The following NBEAL1 variants were observed in gnomAD, a reference collection of about 807,000 sequenced individuals.
The protein encoded by NBEAL1 is neurobeachin-like protein 1.
NBEAL1 carries 273 observed loss-of-function variants against 351.3 expected under a neutral mutation model. That is an observed-to-expected ratio of 0.78 (90% CI 0.70 to 0.86). NBEAL1 has a LOEUF of 0.86. Among genes scored for constraint, NBEAL1 ranks in the 40% least tolerant of loss-of-function variants. The pLI is 0.00. For missense variants in NBEAL1, 2,961 were observed against 3,201.3 expected (o/e 0.92, Z 1.81); for synonymous variants, 1,050 against 1,086.4 (o/e 0.97, Z 0.66).
At position 203,221,067 on chromosome 2, in the gene NBEAL1, G is replaced by T. The variant is rs891541330; in HGVS notation, c.*3713G>T. Among the ~76,000 whole-genome samples, 1 of 151,972 alleles carries T rather than the reference G, an allele frequency of 6.6e-6. No individual in the cohort carries two copies. The highest frequency in any genetic ancestry group is 2.4e-5 in the African/African-American group (1 of 41,376). On this transcript the variant is annotated 3_prime_UTR_variant, in exon 56 of 56. Coordinates refer to ENST00000683969, the MANE Select transcript of NBEAL1 (RefSeq NM_001378026.1). ...TTATGCTTCTGAAAAGAATAAGTGGGCTCTCAGAATTAGAATTCAGATTTG... is the reference window on the plus strand; with the variant it reads ...TTATGCTTCTGAAAAGAATAAGTGGTCTCTCAGAATTAGAATTCAGATTTG...
intron 44 of NBEAL1, among the ~76,000 whole-genome samples, chr2:203,186,778 A>G (rs2064908803): frequency 6.6e-6 from 1 of 152,172 alleles, no homozygotes; most frequent in Non-Finnish European, 1.5e-5. Flanking sequence ...TTAAAACTTT[A>G]TAGGTTTCTT....
At chr2:203,193,375 G>C (rs1462422481) in intron 46 of NBEAL1, among the ~76,000 whole-genome samples, 7 of 152,104 alleles carry the variant, frequency 4.6e-5, no homozygotes, top group African/African-American at 1.7e-4. Flanking sequence ...TAACGTGTAA[G>C]ATACTAGTCT....
chr2:203,023,837 A>C (rs2105998544), intron 2 of NBEAL1, among the ~76,000 whole-genome samples: 1 of 152,344 alleles, frequency 6.6e-6, no homozygotes, highest in Admixed American at 6.5e-5. Context: ...TATTATGAGA[A>C]TAAGAAGAGA....
intron 31 of NBEAL1, among the ~76,000 whole-genome samples, chr2:203,140,433 G>C (rs1332454513): frequency 4.0e-5 from 6 of 151,856 alleles, no homozygotes; most frequent in Non-Finnish European, 8.8e-5. Context: ...ATCTTTTTCA[G>C]ATGTCATGTT....
At chr2:203,144,956 A>T in intron 32 of NBEAL1, 51 bp downstream of exon 32, 1 of 1,512,310 alleles carries the variant, frequency 6.6e-7, no homozygotes. Context: ...TACCATTTTT[A>T]TAGAGGTGAA....
At chr2:203,140,071 C>A (rs2063328029) in intron 31 of NBEAL1, among the ~76,000 whole-genome samples, 1 of 151,648 alleles carries the variant, frequency 6.6e-6, no homozygotes. Flanking sequence ...GAGGCCGAGG[C>A]GGGCGGATCA....
At chr2:203,215,570 C>T (rs1027164658) in intron 55 of NBEAL1, among the ~76,000 whole-genome samples, 1 of 152,010 alleles carries the variant, frequency 6.6e-6, no homozygotes, top group African/African-American at 2.4e-5. Context: ...TGCCTGTAGT[C>T]CCAGCTACTT....
At chr2:203,019,006 T>C (rs1489384670) in intron 2 of NBEAL1, among the ~76,000 whole-genome samples, 2 of 152,236 alleles carry the variant, frequency 1.3e-5, no homozygotes, top group Non-Finnish European at 2.9e-5. Context: ...AAATATCTGC[T>C]AAACATTTTC....
chr2:203,168,391 C>A (rs1030755323), intron 38 of NBEAL1, among the ~76,000 whole-genome samples: 1 of 151,982 alleles, frequency 6.6e-6, no homozygotes, highest in African/African-American at 2.4e-5. Flanking sequence ...TTCGAGACCA[C>A]CCTGGCCAAC....
chr2:203,071,115 T>C (rs1371699000), intron 7 of NBEAL1, among the ~76,000 whole-genome samples: 1 of 152,184 alleles, frequency 6.6e-6, no homozygotes, highest in Non-Finnish European at 1.5e-5. Context: ...TGTTCAAGGA[T>C]GGTAAGGGTT....
intron 12 of NBEAL1, among the ~76,000 whole-genome samples, chr2:203,101,957 C>A (rs2062335529): frequency 6.6e-6 from 1 of 152,110 alleles, no homozygotes; most frequent in Admixed American, 6.6e-5. Flanking sequence ...AATATTTTTC[C>A]ATTTGTTGGT....
At chr2:203,068,585 T>C in intron 7 of NBEAL1, 110 bp downstream of exon 7, 1 of 576,420 alleles carries the variant, frequency 1.7e-6, no homozygotes, top group Middle Eastern at 3.6e-4. Context: ...TATAAAATAA[T>C]GGTTGTAAGA....
intron 53 of NBEAL1, among the ~76,000 whole-genome samples, chr2:203,210,325 T>C (rs1423249519): frequency 1.4e-5 from 2 of 143,590 alleles, no homozygotes; most frequent in Non-Finnish European, 3.0e-5. Context: ...ATTATGCCAC[T>C]GCACTCCAGC....
chr2:203,135,169 C>CA (rs780103072), intron 27 of NBEAL1, among the ~76,000 whole-genome samples: 1,102 of 87,516 alleles, frequency 0.013, 3 homozygotes, highest in East Asian at 0.025. Context: ...GACCCTGTCT[C>CA]AAAAAAAAAA....
At chr2:203,026,792 C>T (rs1009778682) in intron 2 of NBEAL1, among the ~76,000 whole-genome samples, 2 of 152,168 alleles carry the variant, frequency 1.3e-5, no homozygotes, top group African/African-American at 2.4e-5. Flanking sequence ...GGATTACAGG[C>T]GTGAGCCACA....
rs528051554 is a variant in NBEAL1 at position 203,107,448 on chromosome 2, C to T, written c.1298C>T (p.Thr433Ile). The T allele has an allele frequency of 3.3e-5, 51 of 1,548,974 alleles. 1 individual carries two copies. The East Asian group carries it at 5.1e-4, about 16-fold the overall frequency. ...GTATTTAAAGAAAGAATTGGTTATA[C>T]ACATATGCTTGAAGTATTAAAATCC... ...KEVFKERIGY[T>I]HMLEVLKSLG... is the part of the protein sequence containing the mutation. Residue 433 changes from threonine to isoleucine, a missense_variant, in exon 13 of 56, where the codon ACA becomes ATA. Coordinates refer to ENST00000683969, the MANE Select transcript of NBEAL1 (RefSeq NM_001378026.1).
chr2:203,040,846 T>C (rs1472913394), intron 2 of NBEAL1: 2 of 455,624 alleles, frequency 4.4e-6, no homozygotes, highest in Non-Finnish European at 8.4e-6. Flanking sequence ...GGAGATGGGC[T>C]CACATGGCTA....
rs1418328627 is a variant in NBEAL1 at position 203,221,165 on chromosome 2, C to T, written c.*3811C>T. Reference sequence around the variant, plus strand: ...CAGGGGAAACTGTTAACTTGGATACCAGATTTTTATTTAATGATGATAGAG... The same window carrying T: ...CAGGGGAAACTGTTAACTTGGATACTAGATTTTTATTTAATGATGATAGAG... On this transcript the variant is annotated 3_prime_UTR_variant, in exon 56 of 56. Coordinates refer to ENST00000683969, the MANE Select transcript of NBEAL1 (RefSeq NM_001378026.1). Among the ~76,000 whole-genome samples, 3 of 151,808 alleles carry T rather than the reference C, an allele frequency of 2.0e-5. No individual in the cohort carries two copies. In the East Asian group the frequency reaches 5.8e-4, roughly 29 times the overall value.
At position 203,145,142 on chromosome 2, in the gene NBEAL1, A is replaced by G. The variant is rs1263866868; in HGVS notation, c.5286A>G (p.Glu1762=). The G allele has an allele frequency of 1.2e-6, 2 of 1,600,988 alleles. No homozygotes were observed. The highest frequency in any genetic ancestry group is 1.7e-6 in the Non-Finnish European group (2 of 1,176,768). ...ATAAACGAGACCGGGAAGGAGGGGA[A>G]AGCAAGCTCAAATTTCAGGTAAAAA... The part of the protein sequence containing the change: ...NMHKRDREGG[E]SKLKFQELFV... Residue 1762 remains glutamate (E), a synonymous_variant, in exon 33 of 56, where the codon GAA becomes GAG. Coordinates refer to ENST00000683969, the MANE Select transcript of NBEAL1 (RefSeq NM_001378026.1).
Sources: gnomAD v4.1 joint callset for allele counts (sites outside exome capture counted in the v4.1 genomes callset) on GRCh38, gnomAD v4.1.1 for gene constraint, MANE v1.5 for transcripts, NCBI Gene and HGNC (gene_info 2026-07-23, HGNC 2026-07-21) for gene names.